PPP4R3A: variants seen among roughly 807,000 people sequenced by gnomAD.
PPP4R3A encodes serine/threonine-protein phosphatase 4 regulatory subunit 3A.
A neutral mutation model predicts 91.7 loss-of-function variants in PPP4R3A; 15 were observed. The ratio of observed to expected loss-of-function variants is 0.16; its 90% CI spans 0.11 to 0.25. The LOEUF (loss-of-function observed/expected upper bound fraction) is 0.25. Among genes scored for constraint, PPP4R3A ranks in the 10% least tolerant of loss-of-function variants. The pLI is 1.00. For missense variants in PPP4R3A, 623 were observed against 998.4 expected, an observed-to-expected ratio of 0.62 and a Z score of 5.07; for synonymous variants, 377 against 348.7, an observed-to-expected ratio of 1.08 and a Z score of -0.91.
At chr14:91,467,492 T>C (rs1366596259) in intron 10 of PPP4R3A, among the ~76,000 whole-genome samples, 1 of 152,232 alleles carries the variant, frequency 6.6e-6, no homozygotes, top group African/African-American at 2.4e-5. Context: ...TTTCATGTAA[T>C]AAATTTGTGA....
At chr14:91,468,815 T>A in intron 10 of PPP4R3A, among the ~76,000 whole-genome samples, 1 of 150,428 alleles carries the variant, frequency 6.6e-6, no homozygotes. Flanking sequence ...AAGACACAAC[T>A]CAAGTTACCA....
intron 1 of PPP4R3A, among the ~76,000 whole-genome samples, chr14:91,503,252 A>G (rs944769404): frequency 6.6e-6 from 1 of 151,912 alleles, no homozygotes; most frequent in Non-Finnish European, 1.5e-5. Context: ...GGCTTCCCAA[A>G]GTGCTAGGAT....
intron 7 of PPP4R3A, among the ~76,000 whole-genome samples, chr14:91,474,180 T>G (rs1889025361): frequency 6.6e-6 from 1 of 152,258 alleles, no homozygotes; most frequent in Non-Finnish European, 1.5e-5. Context: ...AAAAATTATC[T>G]GAATGTCTGA....
intron 1 of PPP4R3A, among the ~76,000 whole-genome samples, chr14:91,493,066 CATAAAATAACA>C (rs1890318851): frequency 6.6e-6 from 1 of 151,824 alleles, no homozygotes; most frequent in Non-Finnish European, 1.5e-5. Flanking sequence ...CCTCTGCAAA[CATAAAATAACA>C]ATAAAATAAA....
rs1359737530 is a variant in PPP4R3A, at chr14:91,490,889, A to T, written c.143-87T>A. ...ACATACACACATATTTCCTTAAAAA[A>T]AATAATAATAATTTTTTTTTTTTTT... On this transcript the variant is annotated intron_variant, in intron 1 of 14. Transcript: ENST00000554943. 9.3e-6 allele frequency: 6 copies of T among 646,752 alleles called. No individual in the cohort carries two copies. The African/African-American group carries it at 1.2e-4, about 13-fold the overall frequency. 40.1% of individuals were successfully genotyped at this position (646,752 alleles called of 1,614,324 possible).
chr14:91,502,114 T>C (rs1229788262), intron 1 of PPP4R3A, among the ~76,000 whole-genome samples: 3 of 152,010 alleles, frequency 2.0e-5, no homozygotes, highest in Non-Finnish European at 4.4e-5. Context: ...CCTCATTACA[T>C]AGTGGCATTT....
intron 4 of PPP4R3A, among the ~76,000 whole-genome samples, chr14:91,479,946 C>T (rs1837582832): frequency 6.6e-6 from 1 of 152,214 alleles, no homozygotes; most frequent in South Asian, 2.1e-4. Context: ...ATGTAAACTT[C>T]TATTTCAGTT....
intron 9 of PPP4R3A, among the ~76,000 whole-genome samples, chr14:91,471,590 C>T (rs754512399): frequency 9.9e-5 from 15 of 152,158 alleles, no homozygotes; most frequent in Non-Finnish European, 2.1e-4. Flanking sequence ...ACAATGAGTT[C>T]TCATCTTAAT....
At chr14:91,476,701 G>A (rs1280964194) in intron 5 of PPP4R3A, among the ~76,000 whole-genome samples, 177 bp from the exon 6 acceptor site, 1 of 152,178 alleles carries the variant, frequency 6.6e-6, no homozygotes, top group Non-Finnish European at 1.5e-5. Flanking sequence ...GAGTAGCTAG[G>A]ATTACAGGTG....
rs3029507 is a variant in PPP4R3A, at chr14:91,479,293, C to CGTGTGTGTGTGT, written c.915+2271_915+2282dup. Among the ~76,000 whole-genome samples the CGTGTGTGTGTGT allele has an allele frequency of 1.6e-3, 236 of 144,196 alleles. 1 individual carries two copies. Among genetic ancestry groups the CGTGTGTGTGTGT allele is most frequent in the Middle Eastern group, 3.4e-3 (1 of 292 alleles). 94.6% of individuals were successfully genotyped at this position (144,196 alleles called of 152,430 possible). ...ACAGGCATCAAAGAATAAAAAACAA[C>CGTGTGTGTGTGT]GTGTGTGTGTGTGTGTGTGTGTGTG... On this transcript the variant is annotated intron_variant, in intron 4 of 14. Transcript: ENST00000554943.
chr14:91,462,995 C>T, intron 11 of PPP4R3A, 118 bp from the exon 12 acceptor site: 2 of 794,760 alleles, frequency 2.5e-6, no homozygotes, highest in African/African-American at 1.7e-5. Context: ...ACTACATAAT[C>T]TTAGAGATAA....
chr14:91,503,859 C>T (rs764736955), intron 1 of PPP4R3A, among the ~76,000 whole-genome samples: 7 of 152,028 alleles, frequency 4.6e-5, no homozygotes, highest in Non-Finnish European at 1.0e-4. Context: ...AAAATAAAAA[C>T]AAAATAATCT....
chr14:91,468,666 T>C (rs1257580534), intron 10 of PPP4R3A, among the ~76,000 whole-genome samples: 1 of 1,764 alleles, frequency 5.7e-4, no homozygotes, highest in Non-Finnish European at 8.3e-4. Context: ...AGACTCCGTC[T>C]CAAAAAAAAA....
rs78730080 is a variant in PPP4R3A, at chr14:91,492,494, C to T, written c.143-1692G>A. Among the ~76,000 whole-genome samples the T allele has an allele frequency of 4.5e-3, 684 of 152,260 alleles. 6 individuals are homozygous for T. Among genetic ancestry groups the T allele is most frequent in the Non-Finnish European group, 8.1e-3 (551 of 68,022 alleles). On this transcript the variant is annotated intron_variant, in intron 1 of 14. Coordinates refer to ENST00000554943, the MANE Select transcript of PPP4R3A (RefSeq NM_001366432.2). The stretch of plus-strand genomic sequence containing the variant: ...TGCTCAGAACAGTACCAAGTAATAC[C>T]GAACACAGTAAATTAACCAAGTTAT...
At chr14:91,459,562 T>C (rs36109547) in intron 14 of PPP4R3A, among the ~76,000 whole-genome samples, 57,657 of 151,990 alleles carry the variant, frequency 0.38, 11,186 homozygotes, top group East Asian at 0.47. Flanking sequence ...CATGGTGGCC[T>C]GTGCCTGTAA....
chr14:91,458,679 C>CTTT lies in PPP4R3A; in HGVS notation c.*77_*79dup. 2 of 1,605,312 alleles carry CTTT rather than the reference C, an allele frequency of 1.2e-6. No individual in the cohort carries two copies. The highest frequency in any genetic ancestry group is 2.2e-5 in the South Asian group (2 of 90,524). Reference sequence around the variant, plus strand: ...CAGTCATTCACAAGAGACCACTGCGCTTTGTTGTGGATTTTGTATGGGGGA... The same window carrying CTTT: ...CAGTCATTCACAAGAGACCACTGCGCTTTTTTGTTGTGGATTTTGTATGGGGGA... On this transcript the variant is annotated 3_prime_UTR_variant, in exon 15 of 15. Coordinates refer to ENST00000554943, the MANE Select transcript of PPP4R3A (RefSeq NM_001366432.2).
chr14:91,476,495 A>G lies in PPP4R3A; in HGVS notation c.1023T>C (p.Phe341=). ...LVNFLKEFCA[F]SQTLQPQNRD... The stretch of plus-strand genomic sequence containing the variant: ...TGTTTTGAGGCTGTAGCGTTTGGGA[A>G]AACGCACAAAATTCTTTTAAAAAGT... The change falls in exon 6 of 15, where the codon TTT becomes TTC. Residue 341 remains phenylalanine, a synonymous_variant. Coordinates refer to ENST00000554943, the MANE Select transcript of PPP4R3A (RefSeq NM_001366432.2). 1 of 1,602,412 alleles carries G rather than the reference A, an allele frequency of 6.2e-7. No homozygotes were observed. Among genetic ancestry groups the G allele is most frequent in the East Asian group, 2.2e-5 (1 of 44,720 alleles).
At chr14:91,464,034 T>C (rs982607819) in intron 11 of PPP4R3A, among the ~76,000 whole-genome samples, 2 of 152,140 alleles carry the variant, frequency 1.3e-5, no homozygotes, top group African/African-American at 4.8e-5. Flanking sequence ...TTTAAAAGCA[T>C]GTCACAGGCC....
In PPP4R3A at chr14:91,481,034, T is replaced by TA. The variant is rs879583107; in HGVS notation, c.915+541dup. Among the ~76,000 whole-genome samples, 335 of 143,390 alleles carry TA rather than the reference T, an allele frequency of 2.3e-3. 1 individual carries two copies. The highest frequency in any genetic ancestry group is 5.9e-3 in the African/African-American group (231 of 39,120). 94.1% of individuals were successfully genotyped at this position (143,390 alleles called of 152,430 possible). On this transcript the variant is annotated intron_variant, in intron 4 of 14. Transcript: ENST00000554943. ...TGGGCAACAGAGCAAGACCTCAACT[T>TA]AAAAAAAAAAAAATCAGGCTGGGCC...
Sources: allele counts gnomAD v4.1 joint callset (sites outside exome capture counted in the v4.1 genomes callset), GRCh38; gene constraint gnomAD v4.1.1; transcripts MANE v1.5; gene names NCBI Gene and HGNC (gene_info 2026-07-23, HGNC 2026-07-21).